Variants in PCDHGA1 observed in about 807,000 individuals in gnomAD.
The protein encoded by PCDHGA1 is protocadherin gamma-A1.
PCDHGA1 carries 32 observed loss-of-function variants against 58.0 expected under a neutral mutation model. The ratio of observed to expected loss-of-function variants is 0.55; its 90% CI spans 0.42 to 0.74. The LOEUF (loss-of-function observed/expected upper bound fraction) is 0.74. Ranked by LOEUF, PCDHGA1 falls within the 30% of genes least tolerant of loss-of-function variation. The pLI, the probability that PCDHGA1 is intolerant of heterozygous loss-of-function variation, is 0.00. For synonymous variants in PCDHGA1, 498 were observed against 501.1 expected (o/e 0.99, Z 0.08); for missense variants, 1,205 against 1,182.3 (o/e 1.02, Z -0.28).
chr5:141,491,861 C>A lies in PCDHGA1; in HGVS notation c.2422-2946C>A. ...GGATCATTGGACCGTTTGCGCGAAA[C>A]CAGAGTGGCCGATTAAGGGATGGGG... On this transcript the variant is annotated intron_variant, in intron 1 of 3. Transcript: ENST00000517417. The surrounding 1 kb of genome is among the most constrained non-coding windows in gnomAD (Gnocchi z 6.9). 6.9e-7 allele frequency: 1 copy of A among 1,455,272 alleles called. No homozygotes were observed. The highest frequency in any genetic ancestry group is 9.1e-7 in the Non-Finnish European group (1 of 1,100,930). The allele number at this position is 1,455,272 out of a possible 1,614,324, so 90.1% of individuals were successfully genotyped here.
chr5:141,343,893 G>A (rs1039244805), intron 1 of PCDHGA1: 4 of 734,512 alleles, frequency 5.4e-6, no homozygotes, highest in Non-Finnish European at 8.6e-6. Flanking sequence ...CGGGGCGGCT[G>A]CCAACCTCAC....
intron 1 of PCDHGA1, among the ~76,000 whole-genome samples, chr5:141,480,386 A>G (rs966068994): frequency 6.6e-6 from 1 of 151,826 alleles, no homozygotes; most frequent in Non-Finnish European, 1.5e-5. Context: ...CTACACTTCA[A>G]CCATGGCAAT....
intron 1 of PCDHGA1, chr5:141,398,974 A>G (rs1486049931): frequency 1.4e-5 from 23 of 1,613,860 alleles, no homozygotes; most frequent in Non-Finnish European, 1.9e-5. Context: ...TTCCTTCTAC[A>G]GAACCGGGCA....
rs148558897 is a variant in PCDHGA1, at chr5:141,489,890, G to A, written c.2422-4917G>A. On this transcript the variant is annotated intron_variant, in intron 1 of 3. Coordinates refer to ENST00000517417, the MANE Select transcript of PCDHGA1 (RefSeq NM_018912.3). The surrounding 1 kb of genome is among the most constrained non-coding windows in gnomAD (Gnocchi z 4.5). Reference sequence around the variant, plus strand: ...CAGCTGGTGCTTACTGCTGTGGATGGGGGGACCCCAGCCCGCTCAGGGACC... The same window carrying A: ...CAGCTGGTGCTTACTGCTGTGGATGAGGGGACCCCAGCCCGCTCAGGGACC... 6.2e-7 allele frequency: 1 copy of A among 1,614,198 alleles called. No homozygotes were observed. The highest frequency in any genetic ancestry group is 8.5e-7 in the Non-Finnish European group (1 of 1,180,028).
At chr5:141,450,067 T>C (rs1007808503) in intron 1 of PCDHGA1, among the ~76,000 whole-genome samples, 4 of 147,604 alleles carry the variant, frequency 2.7e-5, no homozygotes, top group African/African-American at 1.0e-4. Context: ...AATGCAGTGG[T>C]ATGATCTTGG....
chr5:141,400,558 C>A, intron 1 of PCDHGA1: 1 of 1,613,290 alleles, frequency 6.2e-7, no homozygotes, highest in Non-Finnish European at 8.5e-7. Context: ...TTTTTCATTA[C>A]CCACCCAATT....
chr5:141,335,632 G>A (rs1756574734), intron 1 of PCDHGA1, among the ~76,000 whole-genome samples: 3 of 152,046 alleles, frequency 2.0e-5, no homozygotes. Context: ...TGATCTATTA[G>A]GATTCTAATA....
chr5:141,422,188 C>T, intron 1 of PCDHGA1: 1 of 1,561,742 alleles, frequency 6.4e-7, no homozygotes. Context: ...GATGGAAATT[C>T]AAGGCCAAGA....
chr5:141,419,447 C>T (rs754931078), intron 1 of PCDHGA1: 8 of 1,613,016 alleles, frequency 5.0e-6, no homozygotes, highest in Non-Finnish European at 4.2e-6. Flanking sequence ...CACCTTCGAG[C>T]TCACGCTGCA....
intron 1 of PCDHGA1, chr5:141,410,847 G>GTTTTTTT (rs773839667): frequency 8.8e-5 from 14 of 158,320 alleles, no homozygotes; most frequent in African/African-American, 4.2e-4. Flanking sequence ...TTTTGTCTTT[G>GTTTTTTT]TCTTTTTTTT....
At position 141,371,064 on chromosome 5, in the gene PCDHGA1, T is replaced by C. The variant is rs759777636; in HGVS notation, c.2421+37959T>C. On this transcript the variant is annotated intron_variant, in intron 1 of 3. Transcript: ENST00000517417. ...GGATGGGGGCGAGCCCTCCAGAAGC[T>C]GTACCACCCAGATCAGGGTAATTGT... The C allele has an allele frequency of 4.3e-6, 7 of 1,613,944 alleles. No homozygotes were observed. In the South Asian group the frequency reaches 7.7e-5, roughly 18 times the overall value.
chr5:141,457,632 G>T (rs919693977), intron 1 of PCDHGA1, among the ~76,000 whole-genome samples: 1 of 152,142 alleles, frequency 6.6e-6, no homozygotes, highest in Non-Finnish European at 1.5e-5. Context: ...CTTATACTTG[G>T]CCTGATTATT....
At chr5:141,364,371 T>G in intron 1 of PCDHGA1, 1 of 1,572,068 alleles carries the variant, frequency 6.4e-7, no homozygotes, top group South Asian at 1.2e-5. Flanking sequence ...GGAGAGCTGC[T>G]GCTGCCCTTC....
intron 1 of PCDHGA1, among the ~76,000 whole-genome samples, chr5:141,494,039 G>A (rs901795348): frequency 2.0e-5 from 3 of 152,144 alleles, no homozygotes; most frequent in Non-Finnish European, 4.4e-5. Context: ...GACTTAGTTG[G>A]CCCTGCTTGG....
At chr5:141,351,362 C>T (rs867459693) in intron 1 of PCDHGA1, 4 of 1,612,386 alleles carry the variant, frequency 2.5e-6, no homozygotes, top group African/African-American at 1.3e-5. Flanking sequence ...CATAAAAGTG[C>T]GAGACAAGGA....
At chr5:141,345,587 A>T (rs1366965342) in intron 1 of PCDHGA1, 5 of 1,614,106 alleles carry the variant, frequency 3.1e-6, no homozygotes, top group Non-Finnish European at 4.2e-6. Flanking sequence ...ACGCGCTGAG[A>T]TCCTTCGACT....
At chr5:141,415,347 C>G in intron 1 of PCDHGA1, 1 of 1,614,238 alleles carries the variant, frequency 6.2e-7, no homozygotes, top group South Asian at 1.1e-5. Flanking sequence ...GGCGCTGGCA[C>G]AAGTCACGCC....
At chr5:141,358,396 T>C (rs1427310133) in intron 1 of PCDHGA1, among the ~76,000 whole-genome samples, 1 of 152,190 alleles carries the variant, frequency 6.6e-6, no homozygotes, top group Non-Finnish European at 1.5e-5. Flanking sequence ...TGCTTGAAGT[T>C]TACTTTTCCT....
chr5:141,366,698 C>G, intron 1 of PCDHGA1: 1 of 1,614,234 alleles, frequency 6.2e-7, no homozygotes, highest in Non-Finnish European at 8.5e-7. Flanking sequence ...GAAAAGCGAG[C>G]CTCTTCTGAT....
Sources: gnomAD v4.1 joint callset for allele counts (sites outside exome capture counted in the v4.1 genomes callset) on GRCh38, gnomAD v4.1.1 for gene constraint, Gnocchi (gnomAD v3.1) non-coding constraint, MANE v1.5 for transcripts, NCBI Gene and HGNC (gene_info 2026-07-23, HGNC 2026-07-21) for gene names.